Variants in CD163L1 observed in about 807,000 individuals in gnomAD.
CD163L1 encodes CD163 molecule like 1, also known as scavenger receptor cysteine-rich type 1 protein M160.
A neutral mutation model predicts 165.4 loss-of-function variants in CD163L1; 124 were observed. That is an observed-to-expected ratio of 0.75 (90% CI 0.65 to 0.87). The LOEUF (loss-of-function observed/expected upper bound fraction) is 0.87. CD163L1 is among the 40% of genes least tolerant of loss of function. CD163L1 has a pLI of 0.00. For synonymous variants in CD163L1, 585 were observed against 662.2 expected, an observed-to-expected ratio of 0.88 and a Z score of 1.79; for missense variants, 1,525 against 1,799.9, an observed-to-expected ratio of 0.85 and a Z score of 2.76.
intron 14 of CD163L1, among the ~76,000 whole-genome samples, chr12:7,371,010 G>A (rs1947135347): frequency 6.6e-6 from 1 of 152,156 alleles, no homozygotes; most frequent in Non-Finnish European, 1.5e-5. Flanking sequence ...TTCCTGTGCT[G>A]TTCTTGTGAT....
rs190864453 is a variant in CD163L1, at chr12:7,369,836, C to T, written c.3731-171G>A. The stretch of plus-strand genomic sequence containing the variant: ...CAAGAACCTGTGAAGTGAATAAACC[C>T]CTATACATGACTGTGGTTTGTCCTA... On this transcript the variant is annotated intron_variant, in intron 14 of 19. Transcript: ENST00000313599. The surrounding 1 kb of genome is among the most constrained non-coding windows in gnomAD (Gnocchi z 4.9). 6.8e-4 allele frequency among the ~76,000 whole-genome samples: 104 copies of T among 152,192 alleles called. No individual in the cohort carries two copies. The highest frequency in any genetic ancestry group is 6.8e-3 in the Admixed American group (104 of 15,296).
At position 7,374,653 on chromosome 12, in the gene CD163L1, G is replaced by C; in HGVS notation, c.3198C>G (p.Asp1066Glu). 1.2e-6 allele frequency: 2 copies of C among 1,614,202 alleles called. No individual in the cohort carries two copies. The highest frequency in any genetic ancestry group is 1.7e-6 in the Non-Finnish European group (2 of 1,180,030). Residue 1066 changes from aspartate (D) to glutamate (E), a missense_variant, in exon 13 of 20, where the codon GAC becomes GAG. By Grantham distance (45) the Asp-to-Glu change is conservative (BLOSUM62 2). Transcript: ENST00000313599. This position sits in a 1 kb window ranked among gnomAD's most constrained non-coding sequence, Gnocchi z 5.4. Reference sequence around the variant, plus strand: ...GACACACCACGTGGGCATCGCTCAGGTCCCAGCCGTCATCACAGATGGTGC... The same window carrying C: ...GACACACCACGTGGGCATCGCTCAGCTCCCAGCCGTCATCACAGATGGTGC... ...FWGTICDDGWDLSDAHVVCQK... is the reference protein window; with the variant it reads ...FWGTICDDGWELSDAHVVCQK...
the CD163L1 span, chr12:7,323,640 T>A: frequency 7.8e-7 from 1 of 1,285,900 alleles, no homozygotes; most frequent in Non-Finnish European, 1.1e-6. Flanking sequence ...TGCTATGTAA[T>A]CTTGGGCAAG....
chr12:7,331,345 C>T, the CD163L1 span, among the ~76,000 whole-genome samples: 2 of 152,250 alleles, frequency 1.3e-5, no homozygotes, highest in Non-Finnish European at 2.9e-5. Context: ...CCTCTGTAGG[C>T]TCCACCTCTG....
intron 8 of CD163L1, among the ~76,000 whole-genome samples, chr12:7,391,766 T>C (rs186653633): frequency 5.3e-5 from 8 of 152,026 alleles, no homozygotes; most frequent in African/African-American, 1.9e-4. Flanking sequence ...AGAGCAGGGG[T>C]TGTAATCCTA....
chr12:7,375,738 G>C lies in CD163L1; in HGVS notation c.2648C>G (p.Thr883Ser), dbSNP rs779386589. ...TCCAACTTCTCTGCTGTGGATACAA[G>C]TGTCTTCCGGATGTTGAACAATGGG... is the stretch of plus-strand genomic sequence containing the variant. Reference protein sequence around the residue: ...LCPIVQHPEDTCIHSREVGVV... With the variant: ...LCPIVQHPEDSCIHSREVGVV... Residue 883 changes from threonine to serine, a missense_variant, in exon 10 of 20, where the codon ACT (threonine) becomes AGT (serine). Transcript: ENST00000313599. The C allele has an allele frequency of 6.2e-7, 1 of 1,614,214 alleles. No homozygotes were observed. The highest frequency in any genetic ancestry group is 8.5e-7 in the Non-Finnish European group (1 of 1,180,038).
intron 6 of CD163L1, among the ~76,000 whole-genome samples, chr12:7,401,107 A>C (rs1481050572): frequency 6.6e-6 from 1 of 152,160 alleles, no homozygotes; most frequent in Non-Finnish European, 1.5e-5. Context: ...CTCCAGCTTC[A>C]CTACTGCTCT....
At chr12:7,349,525 C>A (rs1946693732) in intron 4 of CD163L1, among the ~76,000 whole-genome samples, 1 of 152,026 alleles carries the variant, frequency 6.6e-6, no homozygotes, top group African/African-American at 2.4e-5. Flanking sequence ...TCAGGAATTG[C>A]AAGTAATAAA....
chr12:7,398,684 A>G lies in CD163L1; in HGVS notation c.1409-100T>C. The G allele has an allele frequency of 1.0e-6, 1 of 988,512 alleles. No homozygotes were observed. Among genetic ancestry groups the G allele is most frequent in the South Asian group, 2.4e-5 (1 of 41,338 alleles). The allele number at this position is 988,512 out of a possible 1,614,324, so 61.2% of individuals were successfully genotyped here. A position where few individuals can be genotyped will look rare whatever the true frequency, so the allele number is the denominator to read the frequency against. On this transcript the variant is annotated intron_variant, in intron 6 of 19. Coordinates refer to ENST00000313599, the MANE Select transcript of CD163L1 (RefSeq NM_174941.6). The surrounding 1 kb of genome is among the most constrained non-coding windows in gnomAD (Gnocchi z 4.5). The stretch of plus-strand genomic sequence containing the variant: ...ATTCACGACTATAAGGCTTTGCCTA[A>G]CAGGTGATATATTAGGCACACTTTT...
chr12:7,421,182 T>C (rs1948371215), intron 4 of CD163L1, among the ~76,000 whole-genome samples: 1 of 136,022 alleles, frequency 7.4e-6, no homozygotes, highest in Non-Finnish European at 1.5e-5. Flanking sequence ...TATGTATATA[T>C]ATGTGTATAT....
intron 4 of CD163L1, among the ~76,000 whole-genome samples, chr12:7,431,753 TA>T (rs902278847): frequency 6.1e-5 from 9 of 146,714 alleles, no homozygotes; most frequent in African/African-American, 1.0e-4. Context: ...ACTTAAAGTA[TA>T]AAAAAAAAAG....
At chr12:7,442,886 G>A (rs963074074) in intron 1 of CD163L1, among the ~76,000 whole-genome samples, 11 of 152,178 alleles carry the variant, frequency 7.2e-5, no homozygotes, top group Admixed American at 4.6e-4. Context: ...TCTGATGAAC[G>A]TGAACAAATA....
At position 7,433,633 on chromosome 12, in the gene CD163L1, C is replaced by T. The variant is rs1948668605; in HGVS notation, c.186G>A (p.Glu62=). 1.9e-6 allele frequency: 3 copies of T among 1,614,118 alleles called. No individual in the cohort carries two copies. The highest frequency in any genetic ancestry group is 1.3e-5 in the African/African-American group (1 of 75,058). Residue 62 remains glutamate (E), a synonymous_variant, in exon 3 of 20, where the codon GAG becomes GAA. Coordinates refer to ENST00000313599, the MANE Select transcript of CD163L1 (RefSeq NM_174941.6). Reference sequence around the variant, plus strand: ...TCCCCCACTGTCCCTGGAATTTCACCTCCACTGTCCCAGAGCAGGGACCGT... The same window carrying T: ...TCCCCCACTGTCCCTGGAATTTCACTTCCACTGTCCCAGAGCAGGGACCGT... The part of the protein sequence containing the change: ...NGDGPCSGTV[E]VKFQGQWGTV...
chr12:7,416,033 C>A (rs544623079), intron 4 of CD163L1, among the ~76,000 whole-genome samples: 341 of 152,046 alleles, frequency 2.2e-3, no homozygotes, highest in Non-Finnish European at 3.7e-3. Flanking sequence ...CTAATTTACA[C>A]TCCCATCAAC....
Position 7,441,382 on chromosome 12 carries a change from A to G in CD163L1, c.32-136T>C. 6.3e-6 allele frequency: 4 copies of G among 634,508 alleles called. No individual in the cohort carries two copies. In the Admixed American group the frequency reaches 8.8e-5, roughly 14 times the overall value. 39.3% of individuals were successfully genotyped at this position (634,508 alleles called of 1,614,324 possible). A position where few individuals can be genotyped will look rare whatever the true frequency, so the allele number is the denominator to read the frequency against. On this transcript the variant is annotated intron_variant, in intron 1 of 19. Transcript: ENST00000313599. ...TTCCACCTGTCAAGGATACCGCACA[A>G]GAAAGTCCTTTTCCCAGGAAAAGCC...
the CD163L1 span, among the ~76,000 whole-genome samples, chr12:7,326,798 C>G: frequency 2.0e-5 from 3 of 152,196 alleles, no homozygotes; most frequent in Non-Finnish European, 4.4e-5. Context: ...TGAAAATATT[C>G]TGAAAAACCT....
At chr12:7,396,925 G>A (rs753908999) in intron 7 of CD163L1, among the ~76,000 whole-genome samples, 7 of 152,038 alleles carry the variant, frequency 4.6e-5, no homozygotes, top group Non-Finnish European at 1.0e-4. Context: ...CCTGAATAAC[G>A]CAGATTTTGG....
Position 7,406,845 on chromosome 12 carries a change from A to T in CD163L1, c.774T>A (p.Ser258Arg). 2 of 1,613,682 alleles carry T rather than the reference A, an allele frequency of 1.2e-6. No homozygotes were observed. The highest frequency in any genetic ancestry group is 1.7e-6 in the Non-Finnish European group (2 of 1,179,870). Residue 258 changes from serine to arginine, a missense_variant, in exon 5 of 20, where the codon AGT becomes AGA. Transcript: ENST00000313599. ...CACCTACAAGCCTTAGTTCAAGATC[A>T]CTACTATCTGAAACAGAGATATAAA... ...EDVTLTCYDS[S>R]DLELRLVGGT...
chr12:7,360,642 G>T (rs1411890908), intron 18 of CD163L1, among the ~76,000 whole-genome samples: 1 of 151,904 alleles, frequency 6.6e-6, no homozygotes, highest in African/African-American at 2.4e-5. Context: ...TTTAATTTTT[G>T]AATTTCCATG....
Sources: gnomAD v4.1 joint callset for allele counts (sites outside exome capture counted in the v4.1 genomes callset) on GRCh38, gnomAD v4.1.1 for gene constraint, Gnocchi (gnomAD v3.1) non-coding constraint, MANE v1.5 for transcripts, NCBI Gene and HGNC (gene_info 2026-07-23, HGNC 2026-07-21) for gene names.